Variants in UGT2A1 observed in about 807,000 individuals in gnomAD.
UGT2A1 encodes the protein UDP-glucuronosyltransferase 2A1.
Under a neutral mutation model 45.4 loss-of-function variants are expected in UGT2A1, and 61 were observed. The observed-to-expected ratio is 1.34, with a 90% CI of 1.09 to 1.66. The LOEUF (loss-of-function observed/expected upper bound fraction) is 1.66. Ranked by LOEUF, UGT2A1 falls within the 40% of genes most tolerant of loss-of-function variation. UGT2A1 has a pLI of 0.00. For missense variants in UGT2A1, 649 were observed against 574.3 expected, an observed-to-expected ratio of 1.13 and a Z score of -1.33; for synonymous variants, 229 against 196.2, an observed-to-expected ratio of 1.17 and a Z score of -1.40.
chr4:69,609,029 C>T lies in UGT2A1; in HGVS notation c.848-9635G>A, dbSNP rs544787404. On this transcript the variant is annotated intron_variant, in intron 3 of 6. Coordinates refer to ENST00000286604, the MANE Select transcript of UGT2A1 (RefSeq NM_001252275.3). ...ATAAAGAGTATGATTAATATATTCA[C>T]TTCCATTAAATTTAAAATCTACGAT... is the stretch of plus-strand genomic sequence containing the variant. Among the ~76,000 whole-genome samples, 5 of 152,098 alleles carry T rather than the reference C, an allele frequency of 3.3e-5. No homozygotes were observed. The South Asian group carries it at 1.0e-3, about 32-fold the overall frequency.
chr4:69,600,178 A>G (rs967625387), intron 3 of UGT2A1, among the ~76,000 whole-genome samples: 1 of 152,196 alleles, frequency 6.6e-6, no homozygotes, highest in Non-Finnish European at 1.5e-5. Context: ...ATATACACCC[A>G]CTGGGAAACC....
intron 3 of UGT2A1, among the ~76,000 whole-genome samples, chr4:69,610,240 C>T (rs1719955049): frequency 7.8e-6 from 1 of 128,074 alleles, no homozygotes; most frequent in Non-Finnish European, 1.7e-5. Context: ...TCTAATTCTG[C>T]CATTACAAAA....
chr4:69,596,361 C>T lies in UGT2A1; in HGVS notation c.997-1112G>A. On this transcript the variant is annotated intron_variant, in intron 4 of 6. Coordinates refer to ENST00000286604, the MANE Select transcript of UGT2A1 (RefSeq NM_001252275.3). The stretch of plus-strand genomic sequence containing the variant: ...CCACAACACCATTTTTACCTGAGCT[C>T]TGGATAAATTCTTCCATTTCCTGCA... The T allele has an allele frequency of 1.9e-6, 3 of 1,600,336 alleles. No homozygotes were observed. The East Asian group carries it at 6.8e-5, about 36-fold the overall frequency.
At chr4:69,593,080 A>C (rs1373955859) in intron 6 of UGT2A1, among the ~76,000 whole-genome samples, 1 of 152,134 alleles carries the variant, frequency 6.6e-6, no homozygotes, top group African/African-American at 2.4e-5. Context: ...TGAAGGAAAG[A>C]AAGCAAGAGC....
chr4:69,641,152 A>G (rs1722030279), intron 2 of UGT2A1, among the ~76,000 whole-genome samples: 1 of 151,960 alleles, frequency 6.6e-6, no homozygotes. Flanking sequence ...CAATACATAT[A>G]GATATCCCTA....
At position 69,636,732 on chromosome 4, in the gene UGT2A1, T is replaced by A. The variant is rs370502542; in HGVS notation, c.716-910A>T. Among the ~76,000 whole-genome samples, 23 of 152,284 alleles carry A rather than the reference T, an allele frequency of 1.5e-4. No individual in the cohort carries two copies. In the South Asian group the frequency reaches 2.5e-3, roughly 16 times the overall value. On this transcript the variant is annotated intron_variant, in intron 2 of 6. Coordinates refer to ENST00000286604, the MANE Select transcript of UGT2A1 (RefSeq NM_001252275.3). ...AAGGGTTTTATCATTGCAGATTTCC[T>A]AAGTAGTTTGGTGTAAATAACATTT...
chr4:69,608,537 AC>A (rs1423475758), intron 3 of UGT2A1, among the ~76,000 whole-genome samples: 1 of 152,190 alleles, frequency 6.6e-6, no homozygotes, highest in East Asian at 1.9e-4. Context: ...CACGTTGTGT[AC>A]ATGTACCCTA....
Position 69,588,949 on chromosome 4 carries a change from A to G in UGT2A1, c.*423T>C, listed in dbSNP as rs1718415537. On this transcript the variant is annotated 3_prime_UTR_variant, in exon 7 of 7. Coordinates refer to ENST00000286604, the MANE Select transcript of UGT2A1 (RefSeq NM_001252275.3). ...ACGGTGGCTCCCTGATTTGTTTGGT[A>G]TATGGAAATTTGTGAATTTGACTCT... The G allele has an allele frequency of 6.5e-6, 1 of 154,428 alleles. No individual in the cohort carries two copies. The highest frequency in any genetic ancestry group is 2.0e-4 in the South Asian group (1 of 5,040). 9.6% of individuals were successfully genotyped at this position (154,428 alleles called of 1,614,324 possible). A position where few individuals can be genotyped will look rare whatever the true frequency, so the allele number is the denominator to read the frequency against.
chr4:69,594,950 T>C (rs1400840925), intron 5 of UGT2A1, among the ~76,000 whole-genome samples: 3 of 152,188 alleles, frequency 2.0e-5, no homozygotes, highest in Admixed American at 2.0e-4. Context: ...ACTTGAAGTG[T>C]GATTAATGTT....
chr4:69,589,407 AT>A lies in UGT2A1; in HGVS notation c.1548del (p.Lys516AsnfsTer5), dbSNP rs1560463250. 2.5e-6 allele frequency: 4 copies of A among 1,613,488 alleles called. No homozygotes were observed. In the Admixed American group the frequency reaches 6.7e-5, roughly 27 times the overall value. ...VIQCCLFSCQ[K>X]FGKIGKKKKR... ...TTTTTCTTCTTTCCTATCTTACCAA[AT>A]TTTTGACAGGAAAACAAACAACATT... On this transcript the variant is annotated frameshift_variant, in exon 7 of 7. Coordinates refer to ENST00000286604, the MANE Select transcript of UGT2A1 (RefSeq NM_001252275.3). LOFTEE classifies it high-confidence loss of function.
chr4:69,626,714 A>C (rs184958837), intron 3 of UGT2A1, among the ~76,000 whole-genome samples: 120 of 151,980 alleles, frequency 7.9e-4, no homozygotes, highest in African/African-American at 2.7e-3. Flanking sequence ...TATTCATTTT[A>C]TATTCATTAA....
chr4:69,606,465 C>T (rs1287218629), intron 3 of UGT2A1, among the ~76,000 whole-genome samples: 1 of 136,488 alleles, frequency 7.3e-6, no homozygotes, highest in East Asian at 2.1e-4. Context: ...CAGCCAATAT[C>T]ATACTGAATG....
chr4:69,600,103 C>T (rs1193064901), intron 3 of UGT2A1, among the ~76,000 whole-genome samples: 1 of 152,158 alleles, frequency 6.6e-6, no homozygotes, highest in African/African-American at 2.4e-5. Flanking sequence ...AGCAGCCTAT[C>T]CTGTGAGCCA....
intron 2 of UGT2A1, 30 bp downstream of exon 2, chr4:69,646,900 C>G (rs1363511555): frequency 2.0e-6 from 3 of 1,482,206 alleles, no homozygotes; most frequent in African/African-American, 2.8e-5. Context: ...TGTTCAAATT[C>G]AAGTAATAAA....
At chr4:69,615,984 T>C (rs1415573934) in intron 3 of UGT2A1, among the ~76,000 whole-genome samples, 2 of 152,026 alleles carry the variant, frequency 1.3e-5, no homozygotes, top group Non-Finnish European at 2.9e-5. Flanking sequence ...CTGTTCCCAA[T>C]AGCCAAGATA....
chr4:69,600,445 G>A (rs975723952), intron 3 of UGT2A1, among the ~76,000 whole-genome samples: 1 of 152,142 alleles, frequency 6.6e-6, no homozygotes, highest in Non-Finnish European at 1.5e-5. Context: ...TTTGAGTGGG[G>A]ACAAACTCCC....
At chr4:69,650,921 A>T (rs1485709316) in intron 1 of UGT2A1, among the ~76,000 whole-genome samples, 1 of 152,180 alleles carries the variant, frequency 6.6e-6, no homozygotes, top group African/African-American at 2.4e-5. Context: ...ATGCTGAAGT[A>T]TAGGCTACCT....
chr4:69,631,658 T>C (rs1345778670), intron 3 of UGT2A1, among the ~76,000 whole-genome samples: 1 of 152,146 alleles, frequency 6.6e-6, no homozygotes, highest in African/African-American at 2.4e-5. Context: ...GAGAGGAGTG[T>C]GTACATGGGC....
At chr4:69,626,922 A>G (rs565144820) in intron 3 of UGT2A1, among the ~76,000 whole-genome samples, 14 of 151,720 alleles carry the variant, frequency 9.2e-5, no homozygotes, top group Non-Finnish European at 1.6e-4. Context: ...AGCACTTTTC[A>G]CTTTTTGGTA....
Sources: gnomAD v4.1 joint callset for allele counts (sites outside exome capture counted in the v4.1 genomes callset) on GRCh38, gnomAD v4.1.1 for gene constraint, MANE v1.5 for transcripts, NCBI Gene and HGNC (gene_info 2026-07-23, HGNC 2026-07-21) for gene names.